Variants in IPCEF1 observed in about 807,000 individuals in gnomAD.
The protein encoded by IPCEF1 is interaction protein for cytohesin exchange factors 1.
A neutral mutation model predicts 50.9 loss-of-function variants in IPCEF1; 31 were observed. The observed-to-expected ratio is 0.61, with a 90% CI of 0.46 to 0.82. The LOEUF (loss-of-function observed/expected upper bound fraction) is 0.82, where lower values mean the gene tolerates loss of function less well. Among genes scored for constraint, IPCEF1 ranks in the 40% least tolerant of loss-of-function variants. The pLI is 0.00. For synonymous variants in IPCEF1, 181 were observed against 192.0 expected (o/e 0.94, Z 0.47); for missense variants, 458 against 514.0 (o/e 0.89, Z 1.05).
At chr6:154,334,090 A>G (rs573042198) in intron 1 of IPCEF1, among the ~76,000 whole-genome samples, 7 of 152,230 alleles carry the variant, frequency 4.6e-5, no homozygotes, top group East Asian at 1.9e-4. Flanking sequence ...TAGATCAGGC[A>G]TTTATCAGCC....
intron 11 of IPCEF1, among the ~76,000 whole-genome samples, chr6:154,166,520 C>T (rs534846769): frequency 4.6e-5 from 7 of 152,346 alleles, no homozygotes; most frequent in African/African-American, 7.2e-5. Flanking sequence ...TCCTGACTCA[C>T]GGATTTCGTG....
intron 1 of IPCEF1, among the ~76,000 whole-genome samples, chr6:154,336,686 C>T (rs1161949070): frequency 6.6e-6 from 1 of 152,156 alleles, no homozygotes; most frequent in East Asian, 1.9e-4. Context: ...TCACTGCAGC[C>T]TCGACTGCTC....
At chr6:154,351,246 TG>T (rs1784114712) in intron 1 of IPCEF1, among the ~76,000 whole-genome samples, 1 of 152,154 alleles carries the variant, frequency 6.6e-6, no homozygotes, top group African/African-American at 2.4e-5. Flanking sequence ...AAAATTAGAT[TG>T]GGTATTGTTA....
At chr6:154,279,290 T>C (rs147935744) in intron 2 of IPCEF1, among the ~76,000 whole-genome samples, 206 of 152,256 alleles carry the variant, frequency 1.4e-3, no homozygotes, top group Admixed American at 3.9e-3. Flanking sequence ...AATAAAAATG[T>C]ATAAGACTTC....
rs551943024 is a variant in IPCEF1, at chr6:154,211,866, C to G, written c.537+904G>C. Among the ~76,000 whole-genome samples the G allele has an allele frequency of 4.6e-5, 7 of 152,106 alleles. No individual in the cohort carries two copies. The South Asian group carries it at 1.5e-3, about 32-fold the overall frequency. ...CACATAGAATAATAAATTAAGAAAT[C>G]CTATCATTCATAAAGAAAAAGGAGG... is the stretch of plus-strand genomic sequence containing the variant. On this transcript the variant is annotated intron_variant, in intron 9 of 11. Transcript: ENST00000367220.
At chr6:154,203,649 A>G (rs976067850) in intron 9 of IPCEF1, among the ~76,000 whole-genome samples, 3 of 152,168 alleles carry the variant, frequency 2.0e-5, no homozygotes, top group African/African-American at 7.2e-5. Context: ...TCCTGGAACT[A>G]AACCCCCACA....
intron 2 of IPCEF1, among the ~76,000 whole-genome samples, chr6:154,279,394 A>C (rs948780301): frequency 1.3e-5 from 2 of 152,232 alleles, no homozygotes; most frequent in Non-Finnish European, 2.9e-5. Context: ...CAATATTGTG[A>C]AGATGACTCT....
At chr6:154,287,366 G>T (rs1782390950) in intron 2 of IPCEF1, among the ~76,000 whole-genome samples, 1 of 152,050 alleles carries the variant, frequency 6.6e-6, no homozygotes, top group African/African-American at 2.4e-5. Context: ...TGTGGGAATG[G>T]ACTAATACAC....
At chr6:154,278,540 T>C (rs891104465) in intron 2 of IPCEF1, among the ~76,000 whole-genome samples, 3 of 152,154 alleles carry the variant, frequency 2.0e-5, no homozygotes, top group Non-Finnish European at 4.4e-5. Context: ...CAAATTCCTG[T>C]CATGGTCAAA....
chr6:154,350,532 C>A (rs141401307), intron 1 of IPCEF1, among the ~76,000 whole-genome samples: 1 of 152,250 alleles, frequency 6.6e-6, no homozygotes, highest in African/African-American at 2.4e-5. Flanking sequence ...AAATGAGTCA[C>A]GTCCAATTTG....
chr6:154,244,500 G>C (rs1381890005), intron 5 of IPCEF1, among the ~76,000 whole-genome samples: 1 of 152,184 alleles, frequency 6.6e-6, no homozygotes, highest in Non-Finnish European at 1.5e-5. Flanking sequence ...TTTGCAACCT[G>C]AATATTGCTT....
Position 154,199,957 on chromosome 6 carries a change from T to C in IPCEF1, c.621A>G (p.Thr207=). 1 of 1,614,206 alleles carries C rather than the reference T, an allele frequency of 6.2e-7. No individual in the cohort carries two copies. The highest frequency in any genetic ancestry group is 1.3e-5 in the African/African-American group (1 of 75,048). ...ATAAGGAGGAAGGAAAACTGCTGGG[T>C]GTCTTCACTGTATTTTCCAGGGAAG... ...SFSSLENTVK[T]PSSFPSSLSK... is the part of the protein sequence containing the mutation. The change falls in exon 10 of 12, where the codon ACA becomes ACG. Residue 207 remains threonine (T), a synonymous_variant. Coordinates refer to ENST00000367220, the MANE Select transcript of IPCEF1 (RefSeq NM_001130700.2).
intron 1 of IPCEF1, among the ~76,000 whole-genome samples, chr6:154,337,362 G>A (rs1212230072): frequency 6.6e-6 from 1 of 152,150 alleles, no homozygotes; most frequent in Non-Finnish European, 1.5e-5. Flanking sequence ...AACTTCTCTA[G>A]TCTTTCCAAG....
intron 1 of IPCEF1, among the ~76,000 whole-genome samples, chr6:154,304,868 C>A (rs892308129): frequency 6.6e-6 from 1 of 152,184 alleles, no homozygotes; most frequent in African/African-American, 2.4e-5. Flanking sequence ...AATCCCAGCA[C>A]TTTGGGAGGC....
At chr6:154,248,741 C>G (rs568986314) in intron 3 of IPCEF1, among the ~76,000 whole-genome samples, 1 of 152,072 alleles carries the variant, frequency 6.6e-6, no homozygotes, top group African/African-American at 2.4e-5. Flanking sequence ...TCTGCTTCTT[C>G]ATTTATAAAA....
intron 10 of IPCEF1, among the ~76,000 whole-genome samples, chr6:154,187,529 G>T (rs1324818828): frequency 6.6e-6 from 1 of 152,214 alleles, no homozygotes; most frequent in East Asian, 1.9e-4. Flanking sequence ...ACATGCTCCT[G>T]TTTCTAGCAT....
At chr6:154,341,761 T>G (rs1584007887) in intron 1 of IPCEF1, among the ~76,000 whole-genome samples, 1 of 152,208 alleles carries the variant, frequency 6.6e-6, no homozygotes, top group Non-Finnish European at 1.5e-5. Flanking sequence ...AAAGTTGGAA[T>G]GAACCTTTAC....
intron 2 of IPCEF1, among the ~76,000 whole-genome samples, chr6:154,276,913 G>A (rs1782077339): frequency 6.6e-6 from 1 of 152,178 alleles, no homozygotes; most frequent in African/African-American, 2.4e-5. Flanking sequence ...ACCAAATTTA[G>A]ACAATTCAGA....
intron 1 of IPCEF1, among the ~76,000 whole-genome samples, chr6:154,323,795 A>G (rs1783451787): frequency 6.6e-6 from 1 of 152,228 alleles, no homozygotes; most frequent in South Asian, 2.1e-4. Context: ...TCTACTAAAA[A>G]TACAAAAATT....
Sources: allele counts gnomAD v4.1 joint callset (sites outside exome capture counted in the v4.1 genomes callset), GRCh38; gene constraint gnomAD v4.1.1; transcripts MANE v1.5; gene names NCBI Gene and HGNC (gene_info 2026-07-23, HGNC 2026-07-21).